Variants in F11R observed in about 807,000 individuals in gnomAD.
F11R encodes F11 receptor, also known as junctional adhesion molecule A.
Under a neutral mutation model 39.3 loss-of-function variants are expected in F11R, and 27 were observed. That is an observed-to-expected ratio of 0.69 (90% CI 0.51 to 0.95). The LOEUF is 0.95. F11R is among the 40% of genes least tolerant of loss of function. The pLI is 0.00. For missense variants in F11R, 335 were observed against 372.7 expected, an observed-to-expected ratio of 0.90 and a Z score of 0.83; for synonymous variants, 131 against 144.9, an observed-to-expected ratio of 0.90 and a Z score of 0.69.
rs752366302 is a variant in F11R, at chr1:161,021,062, C to T, written c.12G>A (p.Lys4=). Residue 4 remains lysine, a synonymous_variant, in exon 1 of 10, where the codon AAG becomes AAA. Transcript: ENST00000368026. ...ACAACAGTTTCCTCTCGACTTGCGC[C>T]TTTGTCCCCATCGCGATCAGGCTCC... MGT[K]AQVERKLLCL... 6.2e-7 allele frequency: 1 copy of T among 1,613,864 alleles called. No individual in the cohort carries two copies. The highest frequency in any genetic ancestry group is 8.5e-7 in the Non-Finnish European group (1 of 1,179,856).
chr1:161,007,423 C>A (rs1432543516), intron 1 of F11R, among the ~76,000 whole-genome samples: 1 of 152,040 alleles, frequency 6.6e-6, no homozygotes, highest in Admixed American at 6.6e-5. Context: ...CAAGATCGTG[C>A]CATTGCACTC....
chr1:161,016,976 T>G (rs971053984), intron 1 of F11R, among the ~76,000 whole-genome samples: 2 of 152,192 alleles, frequency 1.3e-5, no homozygotes, highest in Non-Finnish European at 2.9e-5. Context: ...CCCCAACCCC[T>G]TGCTCTCTGA....
In F11R at chr1:160,999,651, C is replaced by T. The variant is rs1648342823; in HGVS notation, c.791G>A (p.Gly264Asp). 6.2e-7 allele frequency: 1 copy of T among 1,613,972 alleles called. No individual in the cohort carries two copies. The highest frequency in any genetic ancestry group is 1.7e-5 in the Admixed American group (1 of 59,992). The stretch of plus-strand genomic sequence containing the variant: ...GGGCAGATACTTACTGTCAAAGTGG[C>T]CTCGGCTATAGGCAAACCAGATGCC... ...VFGIWFAYSR[G>D]HFDRTKKGTS... The change falls in exon 7 of 10, where the codon GGC becomes GAC. Residue 264 changes from glycine (G) to aspartate (D), a missense_variant. By Grantham distance (94) the Gly-to-Asp change is moderately conservative. Coordinates refer to ENST00000368026, the MANE Select transcript of F11R (RefSeq NM_016946.6).
chr1:160,999,837 A>G (rs774839104), intron 6 of F11R, 39 bp downstream of exon 6: 43 of 1,609,236 alleles, frequency 2.7e-5, no homozygotes, highest in Admixed American at 2.3e-4. Context: ...GCAGACCCCA[A>G]TCCCCACCCC....
intron 1 of F11R, among the ~76,000 whole-genome samples, chr1:161,016,092 C>T (rs1649450787): frequency 6.6e-6 from 1 of 152,074 alleles, no homozygotes. Flanking sequence ...AATCCCAGCA[C>T]TTTGGAAAGC....
At chr1:161,003,366 G>T (rs543171791) in intron 1 of F11R, among the ~76,000 whole-genome samples, 1 of 151,358 alleles carries the variant, frequency 6.6e-6, no homozygotes, top group East Asian at 1.9e-4. Context: ...CAGGTGATCC[G>T]CCCGCCTCAG....
chr1:161,000,265 C>A lies in F11R; in HGVS notation c.472G>T (p.Gly158Cys). The A allele has an allele frequency of 6.2e-7, 1 of 1,614,102 alleles. No homozygotes were observed. The highest frequency in any genetic ancestry group is 8.5e-7 in the Non-Finnish European group (1 of 1,180,020). Residue 158 changes from glycine to cysteine, a missense_variant, in exon 5 of 10, where the codon GGT (glycine) becomes TGT (cysteine). Coordinates refer to ENST00000368026, the MANE Select transcript of F11R (RefSeq NM_016946.6). ...RAVLTCSEQD[G>C]SPPSEYTWFK... ...CAGGTGTATTCAGAAGGTGGGGAAC[C>A]ATCTTGTTCTGAGCATGTCAGCACT...
At chr1:161,019,448 A>G (rs1649627982) in intron 1 of F11R, among the ~76,000 whole-genome samples, 2 of 152,030 alleles carry the variant, frequency 1.3e-5, no homozygotes, top group Admixed American at 1.3e-4. Context: ...ACAAAAAATT[A>G]GCCGGGCGTG....
chr1:161,010,221 G>A (rs535394828), intron 1 of F11R, among the ~76,000 whole-genome samples: 16 of 151,998 alleles, frequency 1.1e-4, no homozygotes, highest in Non-Finnish European at 2.1e-4. Flanking sequence ...CGAAGCAAGC[G>A]GATCACAAGG....
chr1:161,015,384 C>A (rs1400841389), intron 1 of F11R, among the ~76,000 whole-genome samples: 1 of 123,264 alleles, frequency 8.1e-6, no homozygotes, highest in East Asian at 2.3e-4. Flanking sequence ...GGTGACAGAG[C>A]CAGACTCCAT....
rs189617512 is a variant in F11R, at chr1:161,016,920, A to G, written c.64+4090T>C. Among the ~76,000 whole-genome samples, 266 of 152,320 alleles carry G rather than the reference A, an allele frequency of 1.7e-3. 2 individuals are homozygous for G. Among genetic ancestry groups the G allele is most frequent in the African/African-American group, 6.3e-3 (261 of 41,566 alleles). Reference sequence around the variant, plus strand: ...AGGAGACTCCATTTTGTTCTGTACTAAGAAAAATTCTTCTGCCTTGGGATG... The same window carrying G: ...AGGAGACTCCATTTTGTTCTGTACTGAGAAAAATTCTTCTGCCTTGGGATG... On this transcript the variant is annotated intron_variant, in intron 1 of 9. Transcript: ENST00000368026.
chr1:161,009,303 C>T (rs1052871407), intron 1 of F11R, among the ~76,000 whole-genome samples: 1 of 152,086 alleles, frequency 6.6e-6, no homozygotes, highest in Admixed American at 6.6e-5. Flanking sequence ...CATCTGTGTA[C>T]AAGCATGTCT....
At chr1:161,011,825 T>C (rs1649178560) in intron 1 of F11R, among the ~76,000 whole-genome samples, 1 of 152,208 alleles carries the variant, frequency 6.6e-6, no homozygotes, top group African/African-American at 2.4e-5. Flanking sequence ...TAAGTGTTTA[T>C]CTCTAGATAA....
chr1:161,004,795 T>A (rs1648705093), intron 1 of F11R, among the ~76,000 whole-genome samples: 1 of 152,084 alleles, frequency 6.6e-6, no homozygotes, highest in South Asian at 2.1e-4. Context: ...AATAAAAATA[T>A]TTCTAATGAT....
intron 1 of F11R, 130 bp from the exon 2 acceptor site, chr1:161,001,483 C>T (rs1648488628): frequency 1.0e-5 from 7 of 694,012 alleles, no homozygotes; most frequent in Non-Finnish European, 1.7e-5. Flanking sequence ...CAGACTTATG[C>T]TCCCTCTGGC....
intron 1 of F11R, among the ~76,000 whole-genome samples, chr1:161,007,273 T>TTGACCAACA (rs946509680): frequency 6.6e-6 from 1 of 150,974 alleles, no homozygotes; most frequent in Non-Finnish European, 1.5e-5. Flanking sequence ...CGAGACCAGC[T>TTGACCAACA]TGACCAACAT....
At position 161,012,600 on chromosome 1, in the gene F11R, T is replaced by TTTA. The variant is rs1557894334; in HGVS notation, c.64+8409_64+8410insTAA. Reference sequence around the variant, plus strand: ...CTTTTGTGTCGTTTGAATTAATTAATTTTATTTATTTATTTATTTATTTAT... The same window carrying TTTA: ...CTTTTGTGTCGTTTGAATTAATTAATTTATTTATTTATTTATTTATTTATTTAT... On this transcript the variant is annotated intron_variant, in intron 1 of 9. Transcript: ENST00000368026. 1.3e-3 allele frequency among the ~76,000 whole-genome samples: 194 copies of TTTA among 144,230 alleles called. 1 individual carries two copies. Among genetic ancestry groups the TTTA allele is most frequent in the Middle Eastern group, 3.5e-3 (1 of 288 alleles). The allele number at this position is 144,230 out of a possible 152,430, so 94.6% of individuals were successfully genotyped here. A position where few individuals can be genotyped will look rare whatever the true frequency, so the allele number is the denominator to read the frequency against.
chr1:160,998,762 G>T lies in F11R; in HGVS notation c.*109C>A. ...TCCGAAGAAGTAGGGGGCCCTGTGGGGTGTAGAAGACAAATAAGGCATCCT... is the reference window on the plus strand; with the variant it reads ...TCCGAAGAAGTAGGGGGCCCTGTGGTGTGTAGAAGACAAATAAGGCATCCT... On this transcript the variant is annotated 3_prime_UTR_variant, in exon 10 of 10. Transcript: ENST00000368026. 9.6e-7 allele frequency: 1 copy of T among 1,046,260 alleles called. No individual in the cohort carries two copies. The highest frequency in any genetic ancestry group is 1.5e-6 in the Non-Finnish European group (1 of 674,922). 64.8% of individuals were successfully genotyped at this position (1,046,260 alleles called of 1,614,324 possible).
rs151122127 is a variant in F11R, at chr1:161,019,782, G to C, written c.64+1228C>G. ...TCAAGAGGGTTTGGTTCCATTCCCAGGTTCCACCCCTAACTCTATTGTCAT... is the reference window on the plus strand; with the variant it reads ...TCAAGAGGGTTTGGTTCCATTCCCACGTTCCACCCCTAACTCTATTGTCAT... On this transcript the variant is annotated intron_variant, in intron 1 of 9. Transcript: ENST00000368026. Among the ~76,000 whole-genome samples, 1,158 of 152,204 alleles carry C rather than the reference G, an allele frequency of 7.6e-3. 20 individuals are homozygous for C. Among genetic ancestry groups the C allele is most frequent in the African/African-American group, 0.027 (1,104 of 41,510 alleles).
Sources: gnomAD v4.1 joint callset for allele counts (sites outside exome capture counted in the v4.1 genomes callset) on GRCh38, gnomAD v4.1.1 for gene constraint, MANE v1.5 for transcripts, NCBI Gene and HGNC (gene_info 2026-07-23, HGNC 2026-07-21) for gene names.